The following SOX5 variants were observed in gnomAD, a reference collection of about 807,000 sequenced individuals.
The protein encoded by SOX5 is SRY-box transcription factor 5, also known as transcription factor SOX-5.
SOX5 carries 9 observed loss-of-function variants against 92.0 expected under a neutral mutation model. The observed-to-expected ratio is 0.10, with a 90% CI of 0.06 to 0.17. SOX5 has a LOEUF of 0.17. Ranked by LOEUF, SOX5 falls within the 10% of genes least tolerant of loss-of-function variation. The probability of loss-of-function intolerance (pLI) is 1.00; values close to 1 mark genes in which losing one functional copy is unlikely to be tolerated. For synonymous variants in SOX5, 344 were observed against 336.3 expected (o/e 1.02, Z -0.25); for missense variants, 642 against 944.5 (o/e 0.68, Z 4.20).
intron 4 of SOX5, among the ~76,000 whole-genome samples, chr12:24,102,221 T>C (rs1308230186): frequency 6.6e-6 from 1 of 152,162 alleles, no homozygotes; most frequent in African/African-American, 2.4e-5. Flanking sequence ...ACAAATTGTG[T>C]CTTTTAACAG....
At chr12:24,367,519 A>G (rs1169683067) in intron 2 of SOX5, among the ~76,000 whole-genome samples, 1 of 152,204 alleles carries the variant, frequency 6.6e-6, no homozygotes, top group Non-Finnish European at 1.5e-5. Context: ...ATGGCCTTTC[A>G]TTTGTAAATT....
chr12:23,572,400 T>C (rs1948509548), intron 10 of SOX5, among the ~76,000 whole-genome samples: 1 of 151,888 alleles, frequency 6.6e-6, no homozygotes, highest in African/African-American at 2.4e-5. Flanking sequence ...TAAATTGTAG[T>C]AGACTTAAAT....
chr12:24,098,297 A>G lies in SOX5; in HGVS notation c.-2+115046T>C, dbSNP rs1428547738. On this transcript the variant is annotated intron_variant, in intron 4 of 4. Coordinates refer to the SOX5 transcript ENST00000446891. Reference sequence around the variant, plus strand: ...TTCCAGCATGAATCCTCTATTATAAATTTCCTGCTCTTGGGGTTTCCAGTG... The same window carrying G: ...TTCCAGCATGAATCCTCTATTATAAGTTTCCTGCTCTTGGGGTTTCCAGTG... Among the ~76,000 whole-genome samples the G allele has an allele frequency of 2.0e-5, 3 of 152,096 alleles. No homozygotes were observed. The East Asian group carries it at 5.8e-4, about 29-fold the overall frequency.
chr12:24,199,211 G>C (rs1198096838), intron 4 of SOX5, among the ~76,000 whole-genome samples: 1 of 152,192 alleles, frequency 6.6e-6, no homozygotes, highest in African/African-American at 2.4e-5. Flanking sequence ...TAAAGACCAT[G>C]ACAGGACAAC....
At chr12:24,460,150 TGCTGGTG>T (rs767044457) in intron 1 of SOX5, among the ~76,000 whole-genome samples, 17 of 152,180 alleles carry the variant, frequency 1.1e-4, no homozygotes, top group Non-Finnish European at 1.0e-4. Context: ...TTCCTAACAG[TGCTGGTG>T]GCAGCAACGA....
intron 3 of SOX5, among the ~76,000 whole-genome samples, chr12:24,245,611 G>A (rs377503863): frequency 1.3e-5 from 2 of 152,196 alleles, no homozygotes; most frequent in Admixed American, 1.3e-4. Context: ...CCAGCTTGGG[G>A]GTAGGGGAGA....
At chr12:24,046,831 C>G (rs760685370) in intron 4 of SOX5, among the ~76,000 whole-genome samples, 13 of 145,994 alleles carry the variant, frequency 8.9e-5, no homozygotes, top group Admixed American at 6.4e-4. Context: ...AGTCGCCCAC[C>G]ACCATGCCCG....
intron 4 of SOX5, among the ~76,000 whole-genome samples, chr12:24,082,117 C>A (rs541035864): frequency 6.6e-6 from 1 of 151,860 alleles, no homozygotes. Flanking sequence ...TGTAACAAAG[C>A]AGAGACTAAA....
rs1342914356 is a variant in SOX5, at chr12:23,875,000, G to A, written c.270+20793C>T. 2.0e-5 allele frequency among the ~76,000 whole-genome samples: 3 copies of A among 152,140 alleles called. No individual in the cohort carries two copies. The East Asian group carries it at 5.8e-4, about 29-fold the overall frequency. On this transcript the variant is annotated intron_variant, in intron 2 of 14. Transcript: ENST00000451604. ...TACGTGGATATTTTAGAACAGTGAG[G>A]AATTTAAGAATAGGTCTTCAACTTC...
chr12:23,967,064 A>G (rs1591883661), intron 4 of SOX5, among the ~76,000 whole-genome samples: 1 of 152,178 alleles, frequency 6.6e-6, no homozygotes, highest in Non-Finnish European at 1.5e-5. Context: ...TACAATGCAT[A>G]GCATAAGAAA....
At chr12:23,792,272 G>A (rs1001525458) in intron 3 of SOX5, among the ~76,000 whole-genome samples, 2 of 151,842 alleles carry the variant, frequency 1.3e-5, no homozygotes, top group Admixed American at 1.3e-4. Flanking sequence ...AGTCAACTGA[G>A]GAAAAATAGT....
chr12:23,795,885 T>C (rs1189519159), intron 3 of SOX5, among the ~76,000 whole-genome samples: 1 of 152,168 alleles, frequency 6.6e-6, no homozygotes, highest in Non-Finnish European at 1.5e-5. Flanking sequence ...CTTCAAAGAA[T>C]GAACCTTTCT....
At chr12:24,357,342 T>C (rs572312342) in intron 2 of SOX5, 1 of 152,196 alleles carries the variant, frequency 6.6e-6, no homozygotes, top group Non-Finnish European at 1.5e-5. Context: ...GCCTACCAGA[T>C]GCAGTGCACG....
At chr12:23,888,923 C>T (rs1478714132) in intron 2 of SOX5, among the ~76,000 whole-genome samples, 1 of 152,168 alleles carries the variant, frequency 6.6e-6, no homozygotes, top group Non-Finnish European at 1.5e-5. Context: ...GCAAGCCTAT[C>T]TCCTACAGAA....
chr12:23,679,487 TA>T (rs1489884247), intron 6 of SOX5, among the ~76,000 whole-genome samples: 5 of 152,102 alleles, frequency 3.3e-5, no homozygotes, highest in African/African-American at 4.8e-5. Context: ...CTATAGTGAA[TA>T]AAACAATAAA....
intron 2 of SOX5, among the ~76,000 whole-genome samples, chr12:24,353,819 T>C (rs1376530889): frequency 6.6e-6 from 1 of 151,798 alleles, no homozygotes; most frequent in East Asian, 1.9e-4. Flanking sequence ...TTTTGTATTT[T>C]TAGTAGAGAC....
intron 1 of SOX5, among the ~76,000 whole-genome samples, chr12:24,511,414 G>C (rs1284659069): frequency 1.3e-5 from 2 of 152,036 alleles, no homozygotes; most frequent in Non-Finnish European, 2.9e-5. Context: ...CATTAACATG[G>C]GAATTAATGA....
intron 1 of SOX5, among the ~76,000 whole-genome samples, chr12:23,904,533 G>T (rs2097270929): frequency 6.6e-6 from 1 of 152,064 alleles, no homozygotes; most frequent in South Asian, 2.1e-4. Context: ...ACCATAACAT[G>T]TAAATCTAAA....
chr12:24,547,315 C>A (rs1481318051), intron 1 of SOX5, among the ~76,000 whole-genome samples: 2 of 151,446 alleles, frequency 1.3e-5, no homozygotes, highest in South Asian at 4.2e-4. Flanking sequence ...CCTCAGCCTC[C>A]CGAGTAGCTG....
Sources: gnomAD v4.1 joint callset for allele counts (sites outside exome capture counted in the v4.1 genomes callset) on GRCh38, gnomAD v4.1.1 for gene constraint, MANE v1.5 for transcripts, NCBI Gene and HGNC (gene_info 2026-07-23, HGNC 2026-07-21) for gene names.